SCAPER: variants seen among roughly 807,000 people sequenced by gnomAD.
The protein encoded by SCAPER is S-phase cyclin A associated protein in the ER, also known as S phase cyclin A-associated protein in the endoplasmic reticulum.
SCAPER carries 98 observed loss-of-function variants against 182.2 expected under a neutral mutation model. That is an observed-to-expected ratio of 0.54 (90% CI 0.46 to 0.64). The LOEUF (loss-of-function observed/expected upper bound fraction) is 0.64, where lower values mean the gene tolerates loss of function less well. SCAPER is among the 30% of genes least tolerant of loss of function. The probability of loss-of-function intolerance (pLI) is 0.00; values close to 1 mark genes in which losing one functional copy is unlikely to be tolerated. For synonymous variants in SCAPER, 605 were observed against 564.6 expected (o/e 1.07, Z -1.01); for missense variants, 1,432 against 1,690.0 (o/e 0.85, Z 2.68).
At chr15:76,768,501 G>A (rs964142068) in intron 10 of SCAPER, among the ~76,000 whole-genome samples, 3 of 152,130 alleles carry the variant, frequency 2.0e-5, no homozygotes, top group Admixed American at 2.0e-4. Flanking sequence ...ATTATATAGA[G>A]AGAAAGCAGT....
At chr15:76,483,634 G>C (rs570085119) in intron 24 of SCAPER, among the ~76,000 whole-genome samples, 1 of 152,076 alleles carries the variant, frequency 6.6e-6, no homozygotes, top group East Asian at 1.9e-4. Flanking sequence ...GATATTCAAA[G>C]AACTCTTACA....
intron 2 of SCAPER, among the ~76,000 whole-genome samples, chr15:76,863,109 C>A (rs1224122673): frequency 6.6e-6 from 1 of 152,126 alleles, no homozygotes; most frequent in African/African-American, 2.4e-5. Context: ...CTTGCTCTAG[C>A]CCTGCCTGGC....
chr15:76,619,396 T>C lies in SCAPER; in HGVS notation c.2711+2368A>G, dbSNP rs1202814529. On this transcript the variant is annotated intron_variant, in intron 22 of 31. Coordinates refer to ENST00000563290, the MANE Select transcript of SCAPER (RefSeq NM_020843.4). Reference sequence around the variant, plus strand: ...TTACAATTAAAATGGCTGCAATATATACAAGTCTTTATGTGGGCACATGCT... The same window carrying C: ...TTACAATTAAAATGGCTGCAATATACACAAGTCTTTATGTGGGCACATGCT... Among the ~76,000 whole-genome samples, 5 of 152,330 alleles carry C rather than the reference T, an allele frequency of 3.3e-5. No individual in the cohort carries two copies. In the East Asian group the frequency reaches 7.7e-4, roughly 24 times the overall value.
intron 23 of SCAPER, among the ~76,000 whole-genome samples, chr15:76,509,417 A>G (rs2041851996): frequency 6.6e-6 from 1 of 151,858 alleles, no homozygotes; most frequent in African/African-American, 2.4e-5. Flanking sequence ...TATTACAGCA[A>G]CCTCCTAATT....
chr15:76,654,713 G>C (rs956231471), intron 21 of SCAPER, among the ~76,000 whole-genome samples: 3 of 152,180 alleles, frequency 2.0e-5, no homozygotes, highest in African/African-American at 7.2e-5. Context: ...ATATGAGTGG[G>C]ACAAGTCCCT....
At chr15:76,719,793 A>C (rs1411108828) in intron 17 of SCAPER, among the ~76,000 whole-genome samples, 1 of 152,204 alleles carries the variant, frequency 6.6e-6, no homozygotes, top group South Asian at 2.1e-4. Flanking sequence ...AGATGAGGAA[A>C]AAAATCCCAA....
At chr15:76,690,301 T>A (rs993823597) in intron 20 of SCAPER, among the ~76,000 whole-genome samples, 1 of 151,962 alleles carries the variant, frequency 6.6e-6, no homozygotes, top group African/African-American at 2.4e-5. Flanking sequence ...CGAACCCAAA[T>A]GAGAGACATT....
rs562454527 is a variant in SCAPER, at chr15:76,695,578, C to T, written c.2508+6180G>A. ...AGCCAATGCACTCCAGCCTGGATGA[C>T]GGAGCAAGACTCCGTCTCAAAAAAA... On this transcript the variant is annotated intron_variant, in intron 20 of 31. Transcript: ENST00000563290. Among the ~76,000 whole-genome samples, 6 of 145,794 alleles carry T rather than the reference C, an allele frequency of 4.1e-5. 1 individual carries two copies. Among genetic ancestry groups the T allele is most frequent in the Non-Finnish European group, 6.0e-5 (4 of 67,086 alleles).
At chr15:76,388,727 G>A (rs1198762386) in intron 27 of SCAPER, among the ~76,000 whole-genome samples, 7 of 152,182 alleles carry the variant, frequency 4.6e-5, no homozygotes, top group African/African-American at 1.7e-4. Flanking sequence ...TTGGGAGGCT[G>A]AGGTGGGCGG....
intron 14 of SCAPER, among the ~76,000 whole-genome samples, chr15:76,756,672 T>G (rs2062454837): frequency 6.6e-6 from 1 of 152,146 alleles, no homozygotes; most frequent in Non-Finnish European, 1.5e-5. Flanking sequence ...TTAAGCTACA[T>G]TTTTCTGTCA....
chr15:76,841,656 A>G (rs2069495904), intron 5 of SCAPER, 78 bp downstream of exon 5: 3 of 1,451,808 alleles, frequency 2.1e-6, no homozygotes, highest in South Asian at 2.6e-5. Context: ...CAAAGAAAAA[A>G]AAAAGATCAA....
intron 23 of SCAPER, among the ~76,000 whole-genome samples, chr15:76,573,066 C>A (rs1181106794): frequency 6.6e-6 from 1 of 152,036 alleles, no homozygotes; most frequent in Non-Finnish European, 1.5e-5. Flanking sequence ...AAACTTAGAA[C>A]CATAACTTTG....
chr15:76,886,131 C>T (rs1209327654), intron 1 of SCAPER, among the ~76,000 whole-genome samples: 1 of 152,048 alleles, frequency 6.6e-6, no homozygotes, highest in Non-Finnish European at 1.5e-5. Context: ...TACATGAACC[C>T]CATAAATTTA....
chr15:76,879,662 C>A (rs2073407946), intron 2 of SCAPER, among the ~76,000 whole-genome samples: 2 of 152,142 alleles, frequency 1.3e-5, no homozygotes, highest in Non-Finnish European at 2.9e-5. Context: ...CAATTCTTAT[C>A]TGAAGCCAAC....
intron 23 of SCAPER, among the ~76,000 whole-genome samples, chr15:76,564,883 G>A (rs1295681170): frequency 6.6e-6 from 1 of 152,088 alleles, no homozygotes; most frequent in Non-Finnish European, 1.5e-5. Flanking sequence ...ACAACTATCT[G>A]ATCTTCGACA....
At chr15:76,635,481 C>T (rs1184386960) in intron 21 of SCAPER, among the ~76,000 whole-genome samples, 2 of 152,134 alleles carry the variant, frequency 1.3e-5, no homozygotes, top group Non-Finnish European at 2.9e-5. Flanking sequence ...TATTTGAGGA[C>T]GTGCTGTTTT....
At chr15:76,670,400 G>A (rs937427430) in intron 20 of SCAPER, among the ~76,000 whole-genome samples, 24 of 151,972 alleles carry the variant, frequency 1.6e-4, no homozygotes. Context: ...TCCATTTCAT[G>A]AATATACCTA....
chr15:76,692,797 GA>G (rs796449986), intron 20 of SCAPER, among the ~76,000 whole-genome samples: 1 of 142,520 alleles, frequency 7.0e-6, no homozygotes, highest in Non-Finnish European at 1.5e-5. Flanking sequence ...AGGTAAAAAG[GA>G]AAAAAAAAGT....
At chr15:76,791,404 G>A (rs555021449) in intron 8 of SCAPER, among the ~76,000 whole-genome samples, 17 of 152,272 alleles carry the variant, frequency 1.1e-4, no homozygotes, top group Non-Finnish European at 1.6e-4. Context: ...GAAGGACAAC[G>A]AGATCAGATG....
Sources: gnomAD v4.1 joint callset for allele counts (sites outside exome capture counted in the v4.1 genomes callset) on GRCh38, gnomAD v4.1.1 for gene constraint, MANE v1.5 for transcripts, NCBI Gene and HGNC (gene_info 2026-07-23, HGNC 2026-07-21) for gene names.